BMERB1: variants seen among roughly 807,000 people sequenced by gnomAD.
BMERB1 encodes bMERB domain-containing protein 1.
Under a neutral mutation model 23.6 loss-of-function variants are expected in BMERB1, and 12 were observed. The observed-to-expected ratio is 0.51, with a 90% confidence interval of 0.33 to 0.82. BMERB1 has a LOEUF of 0.82. BMERB1 is among the 40% of genes least tolerant of loss of function. The pLI is 0.03. For synonymous variants in BMERB1, 122 were observed against 96.6 expected, an observed-to-expected ratio of 1.26 and a Z score of -1.54; for missense variants, 247 against 255.4, an observed-to-expected ratio of 0.97 and a Z score of 0.22.
intron 3 of BMERB1, among the ~76,000 whole-genome samples, chr16:15,579,562 C>G (rs1335844931): frequency 1.3e-5 from 2 of 152,126 alleles, no homozygotes; most frequent in African/African-American, 4.8e-5. Flanking sequence ...GACAAGCTGT[C>G]CCACATTTTT....
intron 2 of BMERB1, among the ~76,000 whole-genome samples, chr16:15,535,317 C>T (rs560161027): frequency 2.4e-4 from 36 of 152,184 alleles, no homozygotes; most frequent in Admixed American, 1.4e-3. Context: ...TGCCACTGCA[C>T]TCCAGTCTGG....
At chr16:15,486,100 G>A (rs2051365857) in intron 1 of BMERB1, among the ~76,000 whole-genome samples, 2 of 151,790 alleles carry the variant, frequency 1.3e-5, no homozygotes, top group Admixed American at 1.3e-4. Context: ...AAATTAGCCA[G>A]GTGTGGTGGC....
chr16:15,553,462 A>G (rs1014645105), intron 2 of BMERB1, among the ~76,000 whole-genome samples: 1 of 152,202 alleles, frequency 6.6e-6, no homozygotes, highest in Admixed American at 6.5e-5. Flanking sequence ...TATTTCTGTA[A>G]AGGGCCAAGT....
chr16:15,535,408 G>C (rs1047803569), intron 2 of BMERB1, among the ~76,000 whole-genome samples: 11 of 152,114 alleles, frequency 7.2e-5, no homozygotes, highest in African/African-American at 2.7e-4. Flanking sequence ...AGCACTTTGA[G>C]AGGCCAAGGT....
intron 3 of BMERB1, among the ~76,000 whole-genome samples, chr16:15,578,121 A>AACTT (rs2030916799): frequency 6.6e-6 from 1 of 152,136 alleles, no homozygotes; most frequent in South Asian, 2.1e-4. Context: ...CTCTAACAGT[A>AACTT]ACACACACAA....
chr16:15,516,646 G>A (rs1197442614), intron 2 of BMERB1, among the ~76,000 whole-genome samples: 1 of 114,090 alleles, frequency 8.8e-6, no homozygotes, highest in African/African-American at 3.4e-5. Context: ...AATCTTTTAG[G>A]CAGGCTAGGC....
At chr16:15,562,315 A>C (rs1023191806) in intron 2 of BMERB1, among the ~76,000 whole-genome samples, 1 of 151,582 alleles carries the variant, frequency 6.6e-6, no homozygotes, top group African/African-American at 2.4e-5. Context: ...AAAAAAAAAA[A>C]AAAAACATAA....
intron 2 of BMERB1, among the ~76,000 whole-genome samples, chr16:15,525,905 ATCTCTT>A (rs2051900844): frequency 6.6e-6 from 1 of 152,140 alleles, no homozygotes; most frequent in African/African-American, 2.4e-5. Flanking sequence ...AATTGGCCTT[ATCTCTT>A]TGGAAAACAG....
chr16:15,517,983 ATG>A (rs1166039761), intron 2 of BMERB1, among the ~76,000 whole-genome samples: 4 of 110,598 alleles, frequency 3.6e-5, no homozygotes, highest in Admixed American at 3.4e-4. Context: ...GTGCGTGTGG[ATG>A]TGTGTGCATG....
intron 1 of BMERB1, among the ~76,000 whole-genome samples, chr16:15,446,538 ATTG>A (rs778767621): frequency 6.6e-6 from 1 of 152,202 alleles, no homozygotes; most frequent in East Asian, 1.9e-4. Flanking sequence ...TATTGCATTT[ATTG>A]TTCTATTTAC....
intron 2 of BMERB1, among the ~76,000 whole-genome samples, chr16:15,516,877 G>T (rs2051766889): frequency 6.6e-6 from 1 of 152,108 alleles, no homozygotes; most frequent in South Asian, 2.1e-4. Flanking sequence ...AAAGGGTCTT[G>T]CTCTGTCGTC....
At chr16:15,455,521 C>T (rs758615174) in intron 1 of BMERB1, among the ~76,000 whole-genome samples, 1 of 151,776 alleles carries the variant, frequency 6.6e-6, no homozygotes, top group Non-Finnish European at 1.5e-5. Flanking sequence ...AGTGCAGTGG[C>T]ATGATCTTGG....
At chr16:15,558,051 AAAATT>A (rs941097112) in intron 2 of BMERB1, among the ~76,000 whole-genome samples, 4 of 152,000 alleles carry the variant, frequency 2.6e-5, no homozygotes, top group African/African-American at 9.7e-5. Context: ...CTCAAAAAAA[AAAATT>A]TTTTTTGACT....
At chr16:15,478,083 T>A (rs954368530) in intron 1 of BMERB1, among the ~76,000 whole-genome samples, 5 of 152,196 alleles carry the variant, frequency 3.3e-5, no homozygotes, top group African/African-American at 1.2e-4. Context: ...GGTTTGTGTG[T>A]GTGTGTCTGT....
At chr16:15,468,973 T>TC (rs1483497032) in intron 1 of BMERB1, among the ~76,000 whole-genome samples, 1 of 150,722 alleles carries the variant, frequency 6.6e-6, no homozygotes, top group East Asian at 1.9e-4. Context: ...CACTTTTTTT[T>TC]TTTTTTTTTT....
chr16:15,581,045 C>T (rs1023565645), intron 3 of BMERB1, among the ~76,000 whole-genome samples, 172 bp from the exon 4 acceptor site: 5 of 152,024 alleles, frequency 3.3e-5, no homozygotes, highest in African/African-American at 1.2e-4. Context: ...TCCCGAGTAG[C>T]TGGAATTCCA....
chr16:15,455,249 G>A lies in BMERB1; in HGVS notation c.106+20490G>A, dbSNP rs186950283. Among the ~76,000 whole-genome samples the A allele has an allele frequency of 2.6e-3, 389 of 150,252 alleles. 2 individuals carry two copies. Among genetic ancestry groups the A allele is most frequent in the African/African-American group, 8.6e-3 (353 of 41,024 alleles). Reference sequence around the variant, plus strand: ...TGAGGCAGGAGAATCACTTGAACCCGGGAGATGGAGGTTGCAGTGAGCCGA... The same window carrying A: ...TGAGGCAGGAGAATCACTTGAACCCAGGAGATGGAGGTTGCAGTGAGCCGA... On this transcript the variant is annotated intron_variant, in intron 1 of 5. Coordinates refer to ENST00000300006, the MANE Select transcript of BMERB1 (RefSeq NM_033201.3).
intron 2 of BMERB1, among the ~76,000 whole-genome samples, chr16:15,530,903 C>CTTTTT (rs1220558728): frequency 1.1e-3 from 117 of 109,226 alleles, no homozygotes; most frequent in Non-Finnish European, 1.5e-3. Flanking sequence ...TTTCTTCTTT[C>CTTTTT]TTTTTTTTTT....
intron 5 of BMERB1, among the ~76,000 whole-genome samples, chr16:15,586,223 CGA>C (rs1046039387): frequency 1.3e-5 from 2 of 151,624 alleles, no homozygotes; most frequent in Non-Finnish European, 2.9e-5. Flanking sequence ...GTTATAAAAC[CGA>C]GAGGATAGAG....
Sources: gnomAD v4.1 joint callset for allele counts (sites outside exome capture counted in the v4.1 genomes callset) on GRCh38, gnomAD v4.1.1 for gene constraint, MANE v1.5 for transcripts, NCBI Gene and HGNC (gene_info 2026-07-23, HGNC 2026-07-21) for gene names.